Variants in NR2E3 observed in about 807,000 individuals in gnomAD.
The protein encoded by NR2E3 is photoreceptor-specific nuclear receptor.
Under a neutral mutation model 37.6 loss-of-function variants are expected in NR2E3, and 38 were observed. That is an observed-to-expected ratio of 1.01 (90% CI 0.78 to 1.33). The LOEUF is 1.33. NR2E3 is among the 40% of genes most tolerant of loss of function. The pLI, the probability that NR2E3 is intolerant of heterozygous loss-of-function variation, is 0.00. For synonymous variants in NR2E3, 235 were observed against 225.1 expected (o/e 1.04, Z -0.39); for missense variants, 562 against 558.7 (o/e 1.01, Z -0.06).
rs1296674390 is a variant in NR2E3, at chr15:71,811,277, G to A, written c.119-206G>A. The stretch of plus-strand genomic sequence containing the variant: ...GAAAATTGGCCATTGAGGGAGGAGA[G>A]AGGGCAAGGAATGGGGGTGGGGGCT... On this transcript the variant is annotated intron_variant, in intron 1 of 7. Coordinates refer to ENST00000617575, the MANE Select transcript of NR2E3 (RefSeq NM_014249.4). The surrounding 1 kb of genome is among the most constrained non-coding windows in gnomAD (Gnocchi z 5.6). Among the ~76,000 whole-genome samples the A allele has an allele frequency of 1.3e-5, 2 of 151,664 alleles. No homozygotes were observed. The highest frequency in any genetic ancestry group is 3.9e-4 in the East Asian group (2 of 5,180).
rs570167796 is a variant in NR2E3 at position 71,811,353 on chromosome 15, G to A, written c.119-130G>A. On this transcript the variant is annotated intron_variant, in intron 1 of 7. Transcript: ENST00000617575. The surrounding 1 kb of genome is among the most constrained non-coding windows in gnomAD (Gnocchi z 5.6). The stretch of plus-strand genomic sequence containing the variant: ...ACACTTCTCCAGATGGAAGAGTCAC[G>A]CGTGGGTTCGTTCAAATGCGGGTGA... The A allele has an allele frequency of 1.2e-4, 92 of 769,410 alleles. No homozygotes were observed. The African/African-American group carries it at 1.4e-3, about 11-fold the overall frequency. 47.7% of individuals were successfully genotyped at this position (769,410 alleles called of 1,614,324 possible). A position where few individuals can be genotyped will look rare whatever the true frequency, so the allele number is the denominator to read the frequency against.
At chr15:71,816,410 A>G (rs993032781) in intron 7 of NR2E3, among the ~76,000 whole-genome samples, 22 of 151,294 alleles carry the variant, frequency 1.5e-4, no homozygotes, top group African/African-American at 4.4e-4. Flanking sequence ...ACAGGCGCCC[A>G]CCACCACGCC....
chr15:71,813,801 G>C lies in NR2E3; in HGVS notation c.994+166G>C, dbSNP rs1273648805. ...CTCCCTTCTCCTTGGGGCCACTCCT[G>C]GTTGACTGTGAGGGGACAGGGCAGG... On this transcript the variant is annotated intron_variant, in intron 6 of 7. Coordinates refer to ENST00000617575, the MANE Select transcript of NR2E3 (RefSeq NM_014249.4). This position sits in a 1 kb window ranked among gnomAD's most constrained non-coding sequence, Gnocchi z 4.7. Among the ~76,000 whole-genome samples the C allele has an allele frequency of 6.6e-6, 1 of 152,118 alleles. No individual in the cohort carries two copies. The highest frequency in any genetic ancestry group is 1.9e-4 in the East Asian group (1 of 5,170).
At chr15:71,814,508 C>T (rs2054212886) in intron 7 of NR2E3, 1 of 1,011,010 alleles carries the variant, frequency 9.9e-7, no homozygotes, top group Non-Finnish European at 1.2e-6. Context: ...ACATCATTTG[C>T]AAAGGGAGAG....
intron 1 of NR2E3, 126 bp downstream of exon 1, chr15:71,810,987 G>A (rs987048016): frequency 1.9e-6 from 2 of 1,049,616 alleles, no homozygotes; most frequent in East Asian, 5.3e-5. Context: ...CTGTGGGCAA[G>A]GGTGGGGTAG....
chr15:71,811,331 C>A lies in NR2E3; in HGVS notation c.119-152C>A, dbSNP rs1045350681. On this transcript the variant is annotated intron_variant, in intron 1 of 7. Coordinates refer to ENST00000617575, the MANE Select transcript of NR2E3 (RefSeq NM_014249.4). This position sits in a 1 kb window ranked among gnomAD's most constrained non-coding sequence, Gnocchi z 5.6. ...GTGTGGATGCACAGTGAGGGAGACA[C>A]TTCTCCAGATGGAAGAGTCACGCGT... is the stretch of plus-strand genomic sequence containing the variant. 4.7e-4 allele frequency among the ~76,000 whole-genome samples: 71 copies of A among 152,170 alleles called. 1 individual carries two copies. The highest frequency in any genetic ancestry group is 6.8e-3 in the Middle Eastern group (2 of 294).
Position 71,813,629 on chromosome 15 carries a change from A to G in NR2E3, c.988A>G (p.Lys330Glu). The part of the protein sequence containing the change: ...FACMKALVLF[K>E]PETRGLKDPE... Reference sequence around the variant, plus strand: ...CTGCATGAAGGCCTTGGTCCTCTTCAAGCCAGGTAACTGAGTCTCTGCCCA... The same window carrying G: ...CTGCATGAAGGCCTTGGTCCTCTTCGAGCCAGGTAACTGAGTCTCTGCCCA... The change falls in exon 6 of 8, where the codon AAG (lysine) becomes GAG (glutamate). Residue 330 changes from lysine to glutamate, a missense_variant. Lys to Glu is a moderately conservative substitution (Grantham distance 56). Transcript: ENST00000617575. This position sits in a 1 kb window ranked among gnomAD's most constrained non-coding sequence, Gnocchi z 4.7. The G allele has an allele frequency of 6.2e-7, 1 of 1,613,734 alleles. No homozygotes were observed. The highest frequency in any genetic ancestry group is 8.5e-7 in the Non-Finnish European group (1 of 1,179,880).
chr15:71,811,919 A>T lies in NR2E3; in HGVS notation c.350-36A>T, dbSNP rs1239774858. ...GAGGTGACAAGAAATGGGCAGCGGG[A>T]CTGGCGTGTCGTCCTGACCCTTCCT... On this transcript the variant is annotated intron_variant, in intron 3 of 7. Transcript: ENST00000617575. The surrounding 1 kb of genome is among the most constrained non-coding windows in gnomAD (Gnocchi z 5.6). 6.5e-7 allele frequency: 1 copy of T among 1,549,134 alleles called. No individual in the cohort carries two copies. The highest frequency in any genetic ancestry group is 2.4e-5 in the East Asian group (1 of 40,882).
At position 71,811,710 on chromosome 15, in the gene NR2E3, C is replaced by G. The variant is rs2054182611; in HGVS notation, c.246-56C>G. On this transcript the variant is annotated intron_variant, in intron 2 of 7. Coordinates refer to ENST00000617575, the MANE Select transcript of NR2E3 (RefSeq NM_014249.4). This position sits in a 1 kb window ranked among gnomAD's most constrained non-coding sequence, Gnocchi z 5.6. ...GGGCTTGGGCAAAAATGTCCAAGCC[C>G]ATGGCTCAGGGCATGGGAGGGACAC... 5.8e-6 allele frequency: 9 copies of G among 1,547,754 alleles called. No homozygotes were observed. Among genetic ancestry groups the G allele is most frequent in the African/African-American group, 5.5e-5 (4 of 72,990 alleles).
At chr15:71,812,593 C>T (rs1362238765) in intron 5 of NR2E3, 82 bp downstream of exon 5, 5 of 1,221,132 alleles carry the variant, frequency 4.1e-6, no homozygotes, top group African/African-American at 3.0e-5. Flanking sequence ...AGGGCACACA[C>T]ATCCCCACGC....
rs986159548 is a variant in NR2E3 at position 71,817,094 on chromosome 15, C to CTTT, written c.1101-454_1101-452dup. 6.6e-5 allele frequency among the ~76,000 whole-genome samples: 9 copies of CTTT among 136,926 alleles called. 1 individual carries two copies. Among genetic ancestry groups the CTTT allele is most frequent in the Non-Finnish European group, 4.7e-5 (3 of 64,494 alleles). 89.8% of individuals were successfully genotyped at this position (136,926 alleles called of 152,430 possible). ...AACTCCTCTGGTTAATGCGGCTTTT[C>CTTT]TTTTTTCTTTTTTTTTTTTTTTGAG... On this transcript the variant is annotated intron_variant, in intron 7 of 7. Coordinates refer to ENST00000617575, the MANE Select transcript of NR2E3 (RefSeq NM_014249.4).
chr15:71,811,829 C>G lies in NR2E3; in HGVS notation c.309C>G (p.Cys103Trp). 1 of 1,551,380 alleles carries G rather than the reference C, an allele frequency of 6.4e-7. No homozygotes were observed. Residue 103 changes from cysteine (C) to tryptophan (W), a missense_variant, in exon 3 of 8, where the codon TGC (cysteine) becomes TGG (tryptophan). Cys to Trp is a radical substitution (Grantham distance 215, BLOSUM62 -2). Transcript: ENST00000617575. The surrounding 1 kb of genome is among the most constrained non-coding windows in gnomAD (Gnocchi z 5.6). ...DKAHRNQCQACRLKKCLQAGM... is the reference protein window; with the variant it reads ...DKAHRNQCQAWRLKKCLQAGM... ...CCCACCGCAACCAGTGCCAGGCCTG[C>G]CGGCTGAAGAAGTGCCTGCAGGCGG... is the stretch of plus-strand genomic sequence containing the variant.
intron 1 of NR2E3, 39 bp downstream of exon 1, chr15:71,810,900 T>C: frequency 2.6e-6 from 4 of 1,513,678 alleles, no homozygotes; most frequent in Non-Finnish European, 3.5e-6. Flanking sequence ...GTCTGGGCCC[T>C]TGGGGAGCAG....
chr15:71,812,367 C>T lies in NR2E3; in HGVS notation c.603C>T (p.Asp201=), dbSNP rs755807403. The change falls in exon 5 of 8, where the codon GAC becomes GAT. Residue 201 remains aspartate (D), a synonymous_variant. Coordinates refer to ENST00000617575, the MANE Select transcript of NR2E3 (RefSeq NM_014249.4). ...AGAATATTGATGTCACCAGCAATGACCCTGAGTTCCCCTCCTCTCCATACT... is the reference window on the plus strand; with the variant it reads ...AGAATATTGATGTCACCAGCAATGATCCTGAGTTCCCCTCCTCTCCATACT... The part of the protein sequence containing the change: ...ADENIDVTSN[D]PEFPSSPYSS... 24 of 1,613,858 alleles carry T rather than the reference C, an allele frequency of 1.5e-5. No individual in the cohort carries two copies. The highest frequency in any genetic ancestry group is 3.3e-4 in the Middle Eastern group (2 of 6,080).
rs755023160 is a variant in NR2E3 at position 71,811,740 on chromosome 15, C to G, written c.246-26C>G. ...CTCAGGGCATGGGAGGGACACTGAC[C>G]CCTGGGGTCTCCTCTTCACCTGCAG... On this transcript the variant is annotated intron_variant, in intron 2 of 7. Transcript: ENST00000617575. This position sits in a 1 kb window ranked among gnomAD's most constrained non-coding sequence, Gnocchi z 5.6. 1.3e-6 allele frequency: 2 copies of G among 1,549,062 alleles called. No homozygotes were observed. The highest frequency in any genetic ancestry group is 2.4e-5 in the South Asian group (2 of 83,940).
rs2054174296 is a variant in NR2E3 at position 71,811,026 on chromosome 15, C to T, written c.118+165C>T. ...GTGGGTAAACCCAGAATCCTAGAAA[C>T]ACGGTGGGGCGGGGATGGGGGTTGG... On this transcript the variant is annotated intron_variant, in intron 1 of 7. Coordinates refer to ENST00000617575, the MANE Select transcript of NR2E3 (RefSeq NM_014249.4). The surrounding 1 kb of genome is among the most constrained non-coding windows in gnomAD (Gnocchi z 5.6). Among the ~76,000 whole-genome samples, 3 of 152,076 alleles carry T rather than the reference C, an allele frequency of 2.0e-5. No individual in the cohort carries two copies. In the South Asian group the frequency reaches 6.2e-4, roughly 31 times the overall value.
chr15:71,813,854 C>T lies in NR2E3; in HGVS notation c.995-158C>T, dbSNP rs1459519960. Among the ~76,000 whole-genome samples, 1 of 152,114 alleles carries T rather than the reference C, an allele frequency of 6.6e-6. No individual in the cohort carries two copies. The highest frequency in any genetic ancestry group is 1.5e-5 in the Non-Finnish European group (1 of 68,012). ...GGGAGCCCCTGGGAGACCCTGAGCCCCAGCCGGAGCCCCTGGTGGCTCCTC... is the reference window on the plus strand; with the variant it reads ...GGGAGCCCCTGGGAGACCCTGAGCCTCAGCCGGAGCCCCTGGTGGCTCCTC... On this transcript the variant is annotated intron_variant, in intron 6 of 7. Transcript: ENST00000617575. This position sits in a 1 kb window ranked among gnomAD's most constrained non-coding sequence, Gnocchi z 4.7.
chr15:71,813,294 T>C lies in NR2E3; in HGVS notation c.748-95T>C. ...CATTCTCGGGTCCCAGGACAGCACT[T>C]CCATTCCTTGGGTGCCTGAGATGGT... On this transcript the variant is annotated intron_variant, in intron 5 of 7. Transcript: ENST00000617575. The surrounding 1 kb of genome is among the most constrained non-coding windows in gnomAD (Gnocchi z 4.7). The C allele has an allele frequency of 2.0e-6, 3 of 1,515,456 alleles. No individual in the cohort carries two copies. The highest frequency in any genetic ancestry group is 2.4e-5 in the South Asian group (2 of 82,510). The allele number at this position is 1,515,456 out of a possible 1,614,324, so 93.9% of individuals were successfully genotyped here.
chr15:71,811,432 C>CT lies in NR2E3; in HGVS notation c.119-51_119-50insT. On this transcript the variant is annotated intron_variant, in intron 1 of 7. Coordinates refer to ENST00000617575, the MANE Select transcript of NR2E3 (RefSeq NM_014249.4). This position sits in a 1 kb window ranked among gnomAD's most constrained non-coding sequence, Gnocchi z 5.6. ...CGAGGGAAGGAGGGGAGCGTGCAGC[C>CT]CTGCCCCGGCCCAGCCCTGCCCTGG... 6.6e-7 allele frequency: 1 copy of CT among 1,514,564 alleles called. No homozygotes were observed. The highest frequency in any genetic ancestry group is 2.5e-5 in the East Asian group (1 of 40,546). 93.8% of individuals were successfully genotyped at this position (1,514,564 alleles called of 1,614,324 possible).
Sources: gnomAD v4.1 joint callset for allele counts (sites outside exome capture counted in the v4.1 genomes callset) on GRCh38, gnomAD v4.1.1 for gene constraint, Gnocchi (gnomAD v3.1) non-coding constraint, MANE v1.5 for transcripts, NCBI Gene and HGNC (gene_info 2026-07-23, HGNC 2026-07-21) for gene names.